Variants in RP1 observed in about 807,000 individuals in gnomAD.
RP1 encodes the protein RP1 axonemal microtubule associated.
A neutral mutation model predicts 14.8 loss-of-function variants in RP1; 16 were observed. That is an observed-to-expected ratio of 1.08 (90% CI 0.73 to 1.65). The LOEUF is 1.65. RP1 is among the 40% of genes most tolerant of loss of function. The pLI is 0.00. For synonymous variants in RP1, 876 were observed against 883.6 expected (o/e 0.99, Z 0.15); for missense variants, 2,631 against 2,535.0 (o/e 1.04, Z -0.81).
At chr8:54,578,445 T>C (rs1222665781) in intron 1 of RP1, among the ~76,000 whole-genome samples, 1 of 152,104 alleles carries the variant, frequency 6.6e-6, no homozygotes, top group African/African-American at 2.4e-5. Flanking sequence ...TGGCCTCAAG[T>C]GATCCTCCCT....
At chr8:54,636,877 A>G (rs1487287701) in intron 3 of RP1, among the ~76,000 whole-genome samples, 1 of 152,274 alleles carries the variant, frequency 6.6e-6, no homozygotes, top group Non-Finnish European at 1.5e-5. Context: ...ATTTCAATAT[A>G]GGTCTGTTAG....
chr8:54,599,462 C>CT lies in RP1; in HGVS notation c.-12-21479dup, dbSNP rs34021495. Among the ~76,000 whole-genome samples the CT allele has an allele frequency of 2.6e-3, 367 of 141,126 alleles. 1 individual carries two copies. The highest frequency in any genetic ancestry group is 8.8e-3 in the African/African-American group (342 of 38,868). 92.6% of individuals were successfully genotyped at this position (141,126 alleles called of 152,430 possible). On this transcript the variant is annotated intron_variant, in intron 1 of 22. Transcript: ENST00000636932. ...ATGTTGTCATTTGTTGACTGAAAGT[C>CT]TTTTTTTTTTTTTTGAGACAGGGTC... is the stretch of plus-strand genomic sequence containing the variant.
At chr8:54,690,538 A>G (rs983408836) in intron 12 of RP1, among the ~76,000 whole-genome samples, 7 of 152,074 alleles carry the variant, frequency 4.6e-5, no homozygotes, top group Admixed American at 1.3e-4. Context: ...TTTACTGAGA[A>G]CTTCAATCCC....
chr8:54,785,013 T>C (rs918778112), intron 24 of RP1, among the ~76,000 whole-genome samples: 4 of 152,086 alleles, frequency 2.6e-5, no homozygotes, highest in African/African-American at 9.7e-5. Context: ...ATACATATAT[T>C]GTATAATGAT....
chr8:54,767,715 A>G (rs1809794819), intron 22 of RP1, among the ~76,000 whole-genome samples: 1 of 152,204 alleles, frequency 6.6e-6, no homozygotes, highest in African/African-American at 2.4e-5. Flanking sequence ...CATGTAAAGT[A>G]AACTCTTTAC....
At chr8:54,616,648 T>A (rs1311398064) in intron 1 of RP1, among the ~76,000 whole-genome samples, 2 of 152,256 alleles carry the variant, frequency 1.3e-5, no homozygotes. Context: ...AACTGATTTT[T>A]CTTGCAACAT....
At chr8:54,681,487 TG>T (rs1807428747) in intron 12 of RP1, among the ~76,000 whole-genome samples, 2 of 69,554 alleles carry the variant, frequency 2.9e-5, no homozygotes, top group African/African-American at 8.8e-5. Flanking sequence ...TTGATTTGTG[TG>T]TGTGTGTGTG....
At chr8:54,683,481 AGCAGCAGTTT>A (rs1182871625) in intron 12 of RP1, among the ~76,000 whole-genome samples, 1 of 152,092 alleles carries the variant, frequency 6.6e-6, no homozygotes, top group Non-Finnish European at 1.5e-5. Context: ...GATTTCCTTG[AGCAGCAGTTT>A]GCAGTTCTCC....
intron 23 of RP1, among the ~76,000 whole-genome samples, chr8:54,775,038 A>C (rs1809999830): frequency 6.6e-6 from 1 of 152,016 alleles, no homozygotes; most frequent in Non-Finnish European, 1.5e-5. Flanking sequence ...CTACTCACCC[A>C]CTGGATGTCA....
At chr8:54,607,890 G>T (rs527679116) in intron 1 of RP1, among the ~76,000 whole-genome samples, 1 of 152,246 alleles carries the variant, frequency 6.6e-6, no homozygotes, top group South Asian at 2.1e-4. Flanking sequence ...AAGACCATTG[G>T]AAAAGTGCAG....
At chr8:54,846,908 G>A (rs1811934291) in intron 25 of RP1, among the ~76,000 whole-genome samples, 1 of 152,164 alleles carries the variant, frequency 6.6e-6, no homozygotes, top group Non-Finnish European at 1.5e-5. Context: ...TGGTTTCTGT[G>A]CCACCCTAGC....
At chr8:54,758,857 C>T (rs1214232491) in intron 21 of RP1, 3 of 1,479,794 alleles carry the variant, frequency 2.0e-6, no homozygotes, top group Non-Finnish European at 1.8e-6. Flanking sequence ...TTATTATTGC[C>T]TGCATTTGTC....
intron 24 of RP1, among the ~76,000 whole-genome samples, chr8:54,836,679 C>T (rs1041462805): frequency 2.0e-5 from 3 of 152,116 alleles, no homozygotes; most frequent in Non-Finnish European, 4.4e-5. Context: ...GGAGTCCAGC[C>T]CACCCAGTGC....
intron 23 of RP1, among the ~76,000 whole-genome samples, chr8:54,775,737 C>T (rs1349897581): frequency 1.3e-5 from 2 of 152,196 alleles, no homozygotes; most frequent in Non-Finnish European, 2.9e-5. Flanking sequence ...GTTCGTTATG[C>T]AGGAATAGAT....
intron 21 of RP1, chr8:54,758,852 A>T: frequency 6.9e-7 from 1 of 1,458,898 alleles, no homozygotes; most frequent in South Asian, 1.3e-5. Flanking sequence ...AACTATTATT[A>T]TTGCCTGCAT....
intron 24 of RP1, among the ~76,000 whole-genome samples, chr8:54,835,393 A>G (rs1811634003): frequency 6.6e-6 from 1 of 152,192 alleles, no homozygotes; most frequent in Non-Finnish European, 1.5e-5. Flanking sequence ...TTGCTATGCC[A>G]TGACACTATT....
chr8:54,601,119 A>T (rs1805272750), intron 1 of RP1, among the ~76,000 whole-genome samples: 1 of 152,200 alleles, frequency 6.6e-6, no homozygotes, highest in Non-Finnish European at 1.5e-5. Flanking sequence ...ACAATGTAGG[A>T]GTATTGACTT....
chr8:54,739,933 A>T (rs963687928), intron 19 of RP1, among the ~76,000 whole-genome samples: 1 of 149,524 alleles, frequency 6.7e-6, no homozygotes, highest in Non-Finnish European at 1.5e-5. Context: ...ATGCAGGTGT[A>T]AACAAACCTA....
At chr8:54,661,249 GATATATAAATGAT>G (rs1349059246) in intron 6 of RP1, among the ~76,000 whole-genome samples, 9 of 96,128 alleles carry the variant, frequency 9.4e-5, no homozygotes, top group Non-Finnish European at 1.7e-4. Context: ...TATACATAAT[GATATATAAATGAT>G]ATATATAAAT....
Sources: allele counts gnomAD v4.1 joint callset (sites outside exome capture counted in the v4.1 genomes callset), GRCh38; gene constraint gnomAD v4.1.1; transcripts MANE v1.5; gene names NCBI Gene and HGNC (gene_info 2026-07-23, HGNC 2026-07-21).